RPGRIP1L: variants seen among roughly 807,000 people sequenced by gnomAD.
The protein encoded by RPGRIP1L is RPGRIP1 like, also known as protein fantom.
Under a neutral mutation model 160.4 loss-of-function variants are expected in RPGRIP1L, and 131 were observed. That is an observed-to-expected ratio of 0.82 (90% CI 0.71 to 0.94). The LOEUF is 0.94. Ranked by LOEUF, RPGRIP1L falls within the 40% of genes least tolerant of loss-of-function variation. The pLI is 0.00. For synonymous variants in RPGRIP1L, 510 were observed against 515.8 expected, an observed-to-expected ratio of 0.99 and a Z score of 0.15; for missense variants, 1,522 against 1,535.8, an observed-to-expected ratio of 0.99 and a Z score of 0.15.
Position 53,619,082 on chromosome 16 carries a change from G to A in RPGRIP1L, c.3559C>T (p.Pro1187Ser). 6.2e-7 allele frequency: 1 copy of A among 1,614,042 alleles called. No homozygotes were observed. Among genetic ancestry groups the A allele is most frequent in the Admixed American group, 1.7e-5 (1 of 60,002 alleles). ...CTCTTGGGTTTTGGAAGTGACACGG[G>A]TGTCTCTTCAGCAGGAAGACTGTAG... ...RFYSLPAEET[P>S]VSLPKPKSGQ... The change falls in exon 24 of 27, where the codon CCC (proline) becomes TCC (serine). Residue 1187 changes from proline to serine, a missense_variant. By Grantham distance (74) the Pro-to-Ser change is moderately conservative (BLOSUM62 -1). Transcript: ENST00000647211.
chr16:53,658,670 T>C (rs1967483426), intron 11 of RPGRIP1L, 102 bp downstream of exon 11: 2 of 878,334 alleles, frequency 2.3e-6, no homozygotes, highest in Admixed American at 2.1e-5. Context: ...GAGTAATTAA[T>C]ATATCTGTAT....
At chr16:53,670,546 T>G (rs1402122356) in intron 9 of RPGRIP1L, among the ~76,000 whole-genome samples, 1 of 152,202 alleles carries the variant, frequency 6.6e-6, no homozygotes, top group Non-Finnish European at 1.5e-5. Context: ...GGTATAATTT[T>G]GTTTCTAATA....
intron 15 of RPGRIP1L, among the ~76,000 whole-genome samples, chr16:53,651,521 C>G (rs1036207712): frequency 2.0e-5 from 3 of 152,148 alleles, no homozygotes; most frequent in African/African-American, 2.4e-5. Context: ...TTGAATCCCC[C>G]CTTTGCTGCA....
intron 13 of RPGRIP1L, 41 bp from the exon 14 acceptor site, chr16:53,656,630 G>T: frequency 1.5e-6 from 2 of 1,325,694 alleles, no homozygotes; most frequent in Non-Finnish European, 2.2e-6. Flanking sequence ...CTTATGATTA[G>T]TTCTATTTTC....
At chr16:53,611,821 G>C (rs189841118) in intron 24 of RPGRIP1L, among the ~76,000 whole-genome samples, 1 of 152,332 alleles carries the variant, frequency 6.6e-6, no homozygotes, top group East Asian at 1.9e-4. Flanking sequence ...CAGTTCGGCA[G>C]ACTTTCAGCC....
chr16:53,677,466 G>T (rs971086738), intron 6 of RPGRIP1L, among the ~76,000 whole-genome samples: 2 of 151,992 alleles, frequency 1.3e-5, no homozygotes, highest in African/African-American at 4.8e-5. Flanking sequence ...AATGAGAAGA[G>T]GAGGATAATC....
chr16:53,610,659 C>A (rs1963973458), intron 25 of RPGRIP1L, among the ~76,000 whole-genome samples: 1 of 152,238 alleles, frequency 6.6e-6, no homozygotes, highest in Middle Eastern at 3.4e-3. Context: ...CAGAGTGTAC[C>A]CACCTTTCAA....
intron 25 of RPGRIP1L, 121 bp from the exon 26 acceptor site, chr16:53,605,735 A>C: frequency 1.0e-6 from 1 of 994,428 alleles, no homozygotes; most frequent in Admixed American, 1.9e-5. Context: ...TTATCCCAAT[A>C]AAAAGAAAGG....
At chr16:53,655,227 T>C (rs1453579067) in intron 14 of RPGRIP1L, among the ~76,000 whole-genome samples, 3 of 152,236 alleles carry the variant, frequency 2.0e-5, no homozygotes, top group Non-Finnish European at 4.4e-5. Flanking sequence ...TTTTAAACAA[T>C]GTCCCTCTTC....
chr16:53,607,455 G>T (rs1482374412), intron 25 of RPGRIP1L, among the ~76,000 whole-genome samples: 1 of 152,164 alleles, frequency 6.6e-6, no homozygotes, highest in Non-Finnish European at 1.5e-5. Flanking sequence ...GATTATGAAA[G>T]AAGTTTTCCT....
intron 4 of RPGRIP1L, among the ~76,000 whole-genome samples, chr16:53,689,071 T>C (rs531002634): frequency 2.4e-4 from 36 of 149,224 alleles, no homozygotes; most frequent in African/African-American, 8.8e-4. Context: ...GCTATATATA[T>C]ATATATGTTA....
chr16:53,654,080 C>T (rs2081505489), intron 14 of RPGRIP1L, among the ~76,000 whole-genome samples: 1 of 152,166 alleles, frequency 6.6e-6, no homozygotes, highest in Non-Finnish European at 1.5e-5. Context: ...TCTCCTGACT[C>T]AGCCTCCCGA....
At chr16:53,613,471 A>C (rs1006754560) in intron 24 of RPGRIP1L, among the ~76,000 whole-genome samples, 7 of 151,986 alleles carry the variant, frequency 4.6e-5, no homozygotes, top group Non-Finnish European at 7.4e-5. Flanking sequence ...GGTGAGCACC[A>C]CTATGTCCAC....
chr16:53,612,489 A>ATTTTT (rs56935715), intron 24 of RPGRIP1L, among the ~76,000 whole-genome samples: 1 of 131,570 alleles, frequency 7.6e-6, no homozygotes, highest in Non-Finnish European at 1.6e-5. Context: ...TCCAAATGGG[A>ATTTTT]TTTTTTTTTT....
At chr16:53,642,157 T>C (rs1338305067) in intron 17 of RPGRIP1L, among the ~76,000 whole-genome samples, 3 of 151,842 alleles carry the variant, frequency 2.0e-5, no homozygotes, top group East Asian at 3.9e-4. Flanking sequence ...AAAAAATCTC[T>C]GACTTAAACA....
intron 3 of RPGRIP1L, chr16:53,695,708 A>G (rs1452414238): frequency 1.2e-5 from 5 of 418,620 alleles, no homozygotes; most frequent in Non-Finnish European, 2.1e-5. Context: ...AAGCAAAGTT[A>G]AATATGTTCC....
intron 22 of RPGRIP1L, among the ~76,000 whole-genome samples, chr16:53,626,794 G>A (rs1468424338): frequency 7.3e-6 from 1 of 137,080 alleles, no homozygotes; most frequent in African/African-American, 2.9e-5. Context: ...GACAGAGTGA[G>A]ACCCTGTCTC....
chr16:53,649,709 T>G (rs899959944), intron 15 of RPGRIP1L, among the ~76,000 whole-genome samples: 2 of 152,178 alleles, frequency 1.3e-5, no homozygotes, highest in Non-Finnish European at 2.9e-5. Context: ...GCTCTTCATC[T>G]CTCTTCCATG....
intron 26 of RPGRIP1L, among the ~76,000 whole-genome samples, chr16:53,604,352 C>T (rs537238106): frequency 2.6e-4 from 39 of 152,304 alleles, no homozygotes; most frequent in Non-Finnish European, 4.0e-4. Context: ...AGAGGTGCTC[C>T]CTTCAGTGTT....
Sources: allele counts gnomAD v4.1 joint callset (sites outside exome capture counted in the v4.1 genomes callset), GRCh38; gene constraint gnomAD v4.1.1; transcripts MANE v1.5; gene names NCBI Gene and HGNC (gene_info 2026-07-23, HGNC 2026-07-21).